MOBP: variants seen among roughly 807,000 people sequenced by gnomAD.
The protein encoded by MOBP is myelin associated oligodendrocyte basic protein.
In MOBP, 5 loss-of-function variants were observed where a neutral mutation model predicts 15.0. The ratio of observed to expected loss-of-function variants is 0.33; its 90% CI spans 0.17 to 0.70. The LOEUF (loss-of-function observed/expected upper bound fraction) is 0.70, where lower values mean the gene tolerates loss of function less well. Ranked by LOEUF, MOBP falls within the 30% of genes least tolerant of loss-of-function variation. The pLI is 0.67. For missense variants in MOBP, 188 were observed against 257.8 expected (o/e 0.73, Z 1.85); for synonymous variants, 88 against 99.0 (o/e 0.89, Z 0.66).
At position 39,469,138 on chromosome 3, in the gene MOBP, A is replaced by ATATACATATATACATATGTGTGTGTG; in HGVS notation, c.-89+1414_-89+1439dup. Among the ~76,000 whole-genome samples the ATATACATATATACATATGTGTGTGTG allele has an allele frequency of 1.2e-4, 11 of 88,494 alleles. 3 individuals carry two copies. Among genetic ancestry groups the ATATACATATATACATATGTGTGTGTG allele is most frequent in the Non-Finnish European group, 1.8e-4 (9 of 50,010 alleles). The allele number at this position is 88,494 out of a possible 152,430, so 58.1% of individuals were successfully genotyped here. A position where few individuals can be genotyped will look rare whatever the true frequency, so the allele number is the denominator to read the frequency against. ...TATACATATATACATATGTGTGTGT[A>ATATACATATATACATATGTGTGTGTG]TATACATATATACATATGTGTGTGT... On this transcript the variant is annotated intron_variant, in intron 1 of 3. Coordinates refer to ENST00000684792, the MANE Select transcript of MOBP (RefSeq NM_001393704.1).
intron 3 of MOBP, among the ~76,000 whole-genome samples, chr3:39,521,370 T>C (rs1442307865): frequency 2.0e-5 from 3 of 152,178 alleles, no homozygotes; most frequent in Non-Finnish European, 4.4e-5. Flanking sequence ...TACCAGGACA[T>C]TTTTTATACA....
intron 1 of MOBP, among the ~76,000 whole-genome samples, 166 bp from the exon 2 acceptor site, chr3:39,479,874 A>G (rs2042604008): frequency 6.6e-6 from 1 of 151,470 alleles, no homozygotes; most frequent in Non-Finnish European, 1.5e-5. Context: ...TTGTGACTGT[A>G]TCTTTCCCCC....
At chr3:39,494,410 T>A (rs1451242687) in intron 2 of MOBP, among the ~76,000 whole-genome samples, 1 of 152,180 alleles carries the variant, frequency 6.6e-6, no homozygotes, top group Non-Finnish European at 1.5e-5. Flanking sequence ...TTTTCTCTCC[T>A]GTTTAGTTTT....
rs2125666319 is a variant in MOBP, at chr3:39,510,449, T to C, written c.*-2934T>C. On this transcript the variant is annotated intron_variant, in intron 4 of 4. Coordinates refer to the MOBP transcript ENST00000311042. ...TAACAATACTGAGTCTGATAATTCA[T>C]GAACATGGTATATCTCTCTATTTAT... Among the ~76,000 whole-genome samples the C allele has an allele frequency of 1.3e-5, 2 of 152,318 alleles. 1 individual carries two copies. The highest frequency in any genetic ancestry group is 6.8e-3 in the Middle Eastern group (2 of 292).
chr3:39,521,853 A>G (rs532872773), intron 3 of MOBP, among the ~76,000 whole-genome samples: 3 of 151,132 alleles, frequency 2.0e-5, no homozygotes, highest in African/African-American at 7.4e-5. Context: ...CTCTTATGCT[A>G]CTATCTCTTC....
intron 2 of MOBP, among the ~76,000 whole-genome samples, chr3:39,500,607 G>A (rs1490363259): frequency 1.3e-5 from 2 of 152,170 alleles, no homozygotes; most frequent in Non-Finnish European, 2.9e-5. Context: ...TCCTTGGGAG[G>A]AAAGGGCCAG....
intron 1 of MOBP, among the ~76,000 whole-genome samples, chr3:39,476,278 G>A (rs1708099): frequency 0.078 from 11,849 of 152,178 alleles, 732 homozygotes; most frequent in East Asian, 0.16. Context: ...TCCAACTCTG[G>A]GGATTGCATT....
chr3:39,479,580 A>G (rs1255997690), intron 1 of MOBP, among the ~76,000 whole-genome samples: 2 of 152,272 alleles, frequency 1.3e-5, no homozygotes, highest in East Asian at 3.9e-4. Flanking sequence ...CACAAAGAAC[A>G]CATCTCTTCT....
At chr3:39,487,109 T>TA (rs60627931) in intron 2 of MOBP, among the ~76,000 whole-genome samples, 80 of 145,322 alleles carry the variant, frequency 5.5e-4, no homozygotes, top group South Asian at 1.8e-3. Flanking sequence ...CCCAGCTAAT[T>TA]AAAAAAAAAA....
At chr3:39,510,772 A>G (rs1384110055) in intron 4 of MOBP, among the ~76,000 whole-genome samples, 5 of 152,108 alleles carry the variant, frequency 3.3e-5, no homozygotes, top group African/African-American at 9.7e-5. Flanking sequence ...TTTCTTTTCA[A>G]TCTGTATGCC....
rs1032351974 is a variant in MOBP, at chr3:39,502,819, C to T, written c.491C>T (p.Pro164Leu). 2.6e-6 allele frequency: 4 copies of T among 1,529,806 alleles called. No homozygotes were observed. Among genetic ancestry groups the T allele is most frequent in the Middle Eastern group, 1.7e-4 (1 of 5,984 alleles). 94.8% of individuals were successfully genotyped at this position (1,529,806 alleles called of 1,614,324 possible). ...QKSKQQPRSS[P>L]LRGPGASRGG... ...TCCAAGCAACAGCCGCGCAGCAGCCCCCTCAGAGGGCCAGGCGCCAGCCGT... is the reference window on the plus strand; with the variant it reads ...TCCAAGCAACAGCCGCGCAGCAGCCTCCTCAGAGGGCCAGGCGCCAGCCGT... The change falls in exon 4 of 4, where the codon CCC (proline) becomes CTC (leucine). Residue 164 changes from proline to leucine, a missense_variant. Coordinates refer to ENST00000684792, the MANE Select transcript of MOBP (RefSeq NM_001393704.1). The surrounding 1 kb of genome is among the most constrained non-coding windows in gnomAD (Gnocchi z 6.3).
At chr3:39,470,396 C>A (rs1408626284) in intron 1 of MOBP, among the ~76,000 whole-genome samples, 1 of 152,174 alleles carries the variant, frequency 6.6e-6, no homozygotes. Flanking sequence ...TCAACAAAAT[C>A]TGTGAGGTAG....
rs1319826775 is a variant in MOBP, at chr3:39,502,209, G to T, written c.140G>T (p.Cys47Phe). ...KEIVDRKYSICKSGCFYQKKE... is the reference protein window; with the variant it reads ...KEIVDRKYSIFKSGCFYQKKE... ...ATAGTGGATCGGAAATACAGCATCT[G>T]TAAGAGCGGCTGCTTCTACCAGAAG... The change falls in exon 3 of 4, where the codon TGT (cysteine) becomes TTT (phenylalanine). Residue 47 changes from cysteine (C) to phenylalanine (F), a missense_variant. Cys to Phe is a radical substitution (Grantham distance 205). Around this residue, in one of 2 missense-constraint regions of MOBP, gnomAD observed 133 missense variants for 212.5 expected, o/e 0.63. Coordinates refer to ENST00000684792, the MANE Select transcript of MOBP (RefSeq NM_001393704.1). The surrounding 1 kb of genome is among the most constrained non-coding windows in gnomAD (Gnocchi z 6.3). 2 of 1,614,238 alleles carry T rather than the reference G, an allele frequency of 1.2e-6. No homozygotes were observed. Among genetic ancestry groups the T allele is most frequent in the Admixed American group, 1.7e-5 (1 of 60,036 alleles).
In MOBP at chr3:39,521,848, ATGCTAC is replaced by A. The variant is rs146219952; in HGVS notation, c.*259-2393_*259-2388del. Among the ~76,000 whole-genome samples, 595 of 152,342 alleles carry A rather than the reference ATGCTAC, an allele frequency of 3.9e-3. 3 individuals carry two copies. Among genetic ancestry groups the A allele is most frequent in the African/African-American group, 9.3e-3 (385 of 41,578 alleles). Reference sequence around the variant, plus strand: ...GTGTATAATACCGTCTTCTCCTCTTATGCTACTATCTCTTCCACCCACATGGGGCTT... The same window carrying A: ...GTGTATAATACCGTCTTCTCCTCTTATATCTCTTCCACCCACATGGGGCTT... On this transcript the variant is annotated intron_variant and NMD_transcript_variant, in intron 3 of 4. Coordinates refer to the MOBP transcript ENST00000424090.
chr3:39,520,582 G>A (rs1005224583), downstream of MOBP, among the ~76,000 whole-genome samples: 7 of 151,736 alleles, frequency 4.6e-5, no homozygotes, highest in African/African-American at 1.7e-4. Context: ...GTATGAGAGA[G>A]AGAGAGAGAG....
intron 2 of MOBP, among the ~76,000 whole-genome samples, chr3:39,482,943 T>A (rs1295190355): frequency 6.6e-6 from 1 of 152,130 alleles, no homozygotes. Context: ...TGCAATAACA[T>A]TGACTCACTC....
At chr3:39,483,337 G>T (rs965979212) in intron 2 of MOBP, among the ~76,000 whole-genome samples, 4 of 152,240 alleles carry the variant, frequency 2.6e-5, no homozygotes, top group Non-Finnish European at 4.4e-5. Flanking sequence ...GTCTACCAGT[G>T]TAATTGCTAT....
In MOBP at chr3:39,487,954, A is replaced by G. The variant is rs567281808; in HGVS notation, c.-5+7831A>G. Among the ~76,000 whole-genome samples the G allele has an allele frequency of 2.0e-5, 3 of 152,284 alleles. No individual in the cohort carries two copies. In the East Asian group the frequency reaches 5.8e-4, roughly 29 times the overall value. ...TTCTGAACTCACTTTGGAAAAGTTT[A>G]CATCTTTTATGATAAAGTTTTTTTC... On this transcript the variant is annotated intron_variant, in intron 2 of 3. Coordinates refer to ENST00000684792, the MANE Select transcript of MOBP (RefSeq NM_001393704.1).
intron 2 of MOBP, among the ~76,000 whole-genome samples, chr3:39,501,270 A>G (rs1343516512): frequency 2.0e-5 from 3 of 152,210 alleles, no homozygotes; most frequent in Non-Finnish European, 4.4e-5. Flanking sequence ...GAGAGCAGAG[A>G]CATTCTCAGT....
Sources: gnomAD v4.1 joint callset for allele counts (sites outside exome capture counted in the v4.1 genomes callset) on GRCh38, gnomAD v4.1.1 for gene constraint, gnomAD v4.1.1 regional missense constraint, Gnocchi (gnomAD v3.1) non-coding constraint, MANE v1.5 for transcripts, NCBI Gene and HGNC (gene_info 2026-07-23, HGNC 2026-07-21) for gene names.